Variants in ABCC1 observed in about 807,000 individuals in gnomAD.
ABCC1 encodes the protein multidrug resistance-associated protein 1.
A neutral mutation model predicts 172.9 loss-of-function variants in ABCC1; 83 were observed. The ratio of observed to expected loss-of-function variants is 0.48; its 90% CI spans 0.40 to 0.58. ABCC1 has a LOEUF of 0.58. Ranked by LOEUF, ABCC1 falls within the 20% of genes least tolerant of loss-of-function variation. ABCC1 has a pLI of 0.00. For missense variants in ABCC1, 1,817 were observed against 2,002.7 expected (o/e 0.91, Z 1.77); for synonymous variants, 937 against 825.2 (o/e 1.14, Z -2.32).
intron 1 of ABCC1, among the ~76,000 whole-genome samples, chr16:15,995,781 C>T (rs1205242209): frequency 1.3e-5 from 2 of 152,070 alleles, no homozygotes; most frequent in Admixed American, 6.6e-5. Flanking sequence ...GATCCTCCTT[C>T]GTCAGCCTCT....
chr16:16,138,046 G>C (rs1386674285), intron 29 of ABCC1, among the ~76,000 whole-genome samples: 1 of 151,684 alleles, frequency 6.6e-6, no homozygotes, highest in African/African-American at 2.4e-5. Flanking sequence ...TGGAGAGATG[G>C]GGGTCTTGCT....
chr16:16,075,898 G>A (rs2050543358), intron 14 of ABCC1, among the ~76,000 whole-genome samples: 1 of 152,184 alleles, frequency 6.6e-6, no homozygotes, highest in African/African-American at 2.4e-5. Flanking sequence ...GGCCACCCCA[G>A]TGGAGAGAGG....
At chr16:16,068,393 A>T in intron 13 of ABCC1, 91 bp downstream of exon 13, 1 of 1,474,562 alleles carries the variant, frequency 6.8e-7, no homozygotes. Context: ...CAGCCTCTAG[A>T]TCACACTCCC....
intron 12 of ABCC1, among the ~76,000 whole-genome samples, chr16:16,066,711 C>A (rs899026875): frequency 6.6e-6 from 1 of 150,802 alleles, no homozygotes; most frequent in Non-Finnish European, 1.5e-5. Flanking sequence ...CCAGCCTGAC[C>A]AACATGGCGA....
intron 1 of ABCC1, among the ~76,000 whole-genome samples, chr16:15,991,542 A>G (rs1216476432): frequency 6.6e-6 from 1 of 151,242 alleles, no homozygotes; most frequent in African/African-American, 2.4e-5. Context: ...GCCAAGCAGG[A>G]CCCCCACTGC....
At chr16:16,028,320 G>C (rs920963876) in intron 5 of ABCC1, among the ~76,000 whole-genome samples, 2 of 152,148 alleles carry the variant, frequency 1.3e-5, no homozygotes, top group Non-Finnish European at 2.9e-5. Context: ...CAGGGCAGGA[G>C]GCTGAATGGG....
intron 11 of ABCC1, among the ~76,000 whole-genome samples, chr16:16,053,803 A>C (rs1314151644): frequency 1.0e-4 from 14 of 137,802 alleles, no homozygotes; most frequent in African/African-American, 4.1e-4. Flanking sequence ...AAAAAAAAAA[A>C]AAAAAAAAAA....
intron 1 of ABCC1, among the ~76,000 whole-genome samples, chr16:15,960,432 T>G (rs1597053847): frequency 1.3e-5 from 2 of 152,260 alleles, no homozygotes; most frequent in African/African-American, 4.8e-5. Flanking sequence ...TTTTCATTCA[T>G]TCATTTATTC....
chr16:16,094,931 C>T (rs961232485), intron 19 of ABCC1, among the ~76,000 whole-genome samples: 6 of 150,984 alleles, frequency 4.0e-5, no homozygotes, highest in Non-Finnish European at 8.8e-5. Context: ...AATTCTTGTG[C>T]CTCAGCCTCT....
At chr16:16,035,788 C>T (rs1294754246) in intron 6 of ABCC1, among the ~76,000 whole-genome samples, 1 of 151,772 alleles carries the variant, frequency 6.6e-6, no homozygotes, top group Non-Finnish European at 1.5e-5. Flanking sequence ...AGCTACCGTG[C>T]CTGGCCCATA....
At position 15,974,358 on chromosome 16, in the gene ABCC1, C is replaced by T. The variant is rs1201602077; in HGVS notation, c.48+24559C>T. Among the ~76,000 whole-genome samples the T allele has an allele frequency of 2.0e-5, 3 of 149,868 alleles. No individual in the cohort carries two copies. In the East Asian group the frequency reaches 5.8e-4, roughly 29 times the overall value. On this transcript the variant is annotated intron_variant, in intron 1 of 30. Transcript: ENST00000399410. ...CTGCTGGTGGGTTTGCCTGAGCTGG[C>T]CTGGTCAGGTAGCTTGACAATGATG...
intron 21 of ABCC1, 54 bp from the exon 22 acceptor site, chr16:16,111,321 G>GCTGGGA (rs1370313455): frequency 6.5e-7 from 1 of 1,529,638 alleles, no homozygotes; most frequent in African/African-American, 1.4e-5. Flanking sequence ...TGGGGCTGGG[G>GCTGGGA]CTGGGGCTGG....
rs942306533 is a variant in ABCC1 at position 16,114,771 on chromosome 16, G to A, written c.3085G>A (p.Ala1029Thr). Reference protein sequence around the residue: ...YGALGISQGIAVFGYSMAVSI... With the variant: ...YGALGISQGITVFGYSMAVSI... ...TTAACTCCGAGTGTCTGCAGGGATCGCCGTGTTTGGCTACTCCATGGCCGT... is the reference window on the plus strand; with the variant it reads ...TTAACTCCGAGTGTCTGCAGGGATCACCGTGTTTGGCTACTCCATGGCCGT... Residue 1029 changes from alanine (A) to threonine (T), a missense_variant, in exon 23 of 31, where the codon GCC (alanine) becomes ACC (threonine). Physicochemically the swap from Ala to Thr is moderately conservative, Grantham distance 58. This residue lies in a region of ABCC1 where 1,412 missense variants were observed against 1,600.3 expected (regional missense o/e 0.88). Coordinates refer to ENST00000399410, the MANE Select transcript of ABCC1 (RefSeq NM_004996.4). 6 of 1,592,714 alleles carry A rather than the reference G, an allele frequency of 3.8e-6. No individual in the cohort carries two copies. Among genetic ancestry groups the A allele is most frequent in the Non-Finnish European group, 5.2e-6 (6 of 1,163,890 alleles).
intron 1 of ABCC1, among the ~76,000 whole-genome samples, chr16:15,983,219 C>T (rs1040914543): frequency 3.9e-5 from 6 of 152,046 alleles, no homozygotes; most frequent in African/African-American, 9.7e-5. Flanking sequence ...CATGTCAGGG[C>T]AGTGATGGGG....
chr16:16,046,129 G>A, intron 9 of ABCC1, 116 bp downstream of exon 9: 1 of 1,200,392 alleles, frequency 8.3e-7, no homozygotes, highest in Non-Finnish European at 1.2e-6. Flanking sequence ...GCAGTAGGAT[G>A]AGGGTAGCTT....
chr16:15,953,035 C>A (rs1367895767), intron 1 of ABCC1, among the ~76,000 whole-genome samples: 1 of 145,428 alleles, frequency 6.9e-6, no homozygotes, highest in Non-Finnish European at 1.5e-5. Flanking sequence ...AGACTGAGAC[C>A]CTGTCTCAAA....
intron 5 of ABCC1, among the ~76,000 whole-genome samples, chr16:16,019,670 C>T (rs934253554): frequency 2.6e-5 from 4 of 152,166 alleles, no homozygotes; most frequent in South Asian, 2.1e-4. Flanking sequence ...CTCCCCTGGG[C>T]GTGTGTGTAC....
chr16:16,137,036 A>G (rs1365739790), intron 29 of ABCC1, among the ~76,000 whole-genome samples: 1 of 152,190 alleles, frequency 6.6e-6, no homozygotes, highest in African/African-American at 2.4e-5. Flanking sequence ...TCCATGACCC[A>G]GCAACTAAAG....
intron 22 of ABCC1, among the ~76,000 whole-genome samples, chr16:16,112,520 T>C (rs1384808577): frequency 1.3e-5 from 2 of 152,236 alleles, no homozygotes; most frequent in African/African-American, 4.8e-5. Flanking sequence ...TGTTTTAACT[T>C]ATTTTATCCT....
Sources: allele counts gnomAD v4.1 joint callset (sites outside exome capture counted in the v4.1 genomes callset), GRCh38; gene constraint gnomAD v4.1.1; regional missense constraint gnomAD v4.1.1; transcripts MANE v1.5; gene names NCBI Gene and HGNC (gene_info 2026-07-23, HGNC 2026-07-21).